The following AGBL1 variants were observed in gnomAD, a reference collection of about 807,000 sequenced individuals.
AGBL1 encodes AGBL carboxypeptidase 1.
In AGBL1, 130 loss-of-function variants were observed where a neutral mutation model predicts 118.9. The ratio of observed to expected loss-of-function variants is 1.09; its 90% confidence interval spans 0.95 to 1.26. The LOEUF (loss-of-function observed/expected upper bound fraction) is 1.26. Ranked by LOEUF, AGBL1 falls within the 50% of genes most tolerant of loss-of-function variation. The pLI, the probability that AGBL1 is intolerant of heterozygous loss-of-function variation, is 0.00. For synonymous variants in AGBL1, 555 were observed against 478.9 expected (o/e 1.16, Z -2.08); for missense variants, 1,584 against 1,298.1 (o/e 1.22, Z -3.38).
At chr15:86,300,817 A>G (rs2079733527) in intron 17 of AGBL1, among the ~76,000 whole-genome samples, 1 of 152,140 alleles carries the variant, frequency 6.6e-6, no homozygotes, top group Admixed American at 6.6e-5. Flanking sequence ...GCAATGTTCT[A>G]TTCAGCCTGC....
chr15:86,504,186 T>C (rs1279552744), intron 18 of AGBL1, among the ~76,000 whole-genome samples: 1 of 151,766 alleles, frequency 6.6e-6, no homozygotes, highest in Non-Finnish European at 1.5e-5. Context: ...TTGTTTCTTG[T>C]AACTGTTTGT....
chr15:86,928,503 T>G (rs2080570714), intron 23 of AGBL1, among the ~76,000 whole-genome samples: 1 of 152,138 alleles, frequency 6.6e-6, no homozygotes, highest in Admixed American at 6.5e-5. Context: ...ACTGGAGCAT[T>G]TATTTGAGTC....
At chr15:86,592,698 C>T (rs1023043422) in intron 21 of AGBL1, among the ~76,000 whole-genome samples, 1 of 152,232 alleles carries the variant, frequency 6.6e-6, no homozygotes, top group African/African-American at 2.4e-5. Context: ...AGTAGACATG[C>T]TTGAGCCCAC....
intron 23 of AGBL1, among the ~76,000 whole-genome samples, chr15:86,979,893 C>G (rs2081212640): frequency 6.6e-6 from 1 of 152,108 alleles, no homozygotes; most frequent in Non-Finnish European, 1.5e-5. Flanking sequence ...TTCCCTTTCC[C>G]ATCCCATAAC....
intron 5 of AGBL1, among the ~76,000 whole-genome samples, chr15:86,210,839 C>T (rs185851667): frequency 3.3e-5 from 5 of 152,250 alleles, no homozygotes; most frequent in Admixed American, 6.5e-5. Context: ...TGTCATTCTC[C>T]GTCCAGGTTT....
At chr15:86,686,529 C>T (rs976742475) in intron 22 of AGBL1, among the ~76,000 whole-genome samples, 1 of 149,764 alleles carries the variant, frequency 6.7e-6, no homozygotes, top group African/African-American at 2.5e-5. Flanking sequence ...CCTCTGCCTC[C>T]TGGGTTCAAG....
intron 24 of AGBL1, among the ~76,000 whole-genome samples, chr15:86,999,695 A>C (rs1004824095): frequency 9.2e-5 from 14 of 151,440 alleles, no homozygotes; most frequent in African/African-American, 3.4e-4. Context: ...ACACGGGTGC[A>C]TGTGTCTTTA....
At chr15:86,318,696 ATTTTTTTT>A (rs57988335) in intron 17 of AGBL1, among the ~76,000 whole-genome samples, 2,279 of 82,106 alleles carry the variant, frequency 0.028, 110 homozygotes, top group East Asian at 0.21. Flanking sequence ...TTGATCATAG[ATTTTTTTT>A]TTTTTTTTTT....
chr15:86,226,899 T>G (rs570831768), intron 6 of AGBL1, among the ~76,000 whole-genome samples: 1 of 152,226 alleles, frequency 6.6e-6, no homozygotes, highest in African/African-American at 2.4e-5. Context: ...CTATTGTCTG[T>G]CTCTTCCAGC....
intron 22 of AGBL1, among the ~76,000 whole-genome samples, chr15:86,856,123 G>A (rs764667522): frequency 6.6e-6 from 1 of 152,200 alleles, no homozygotes; most frequent in Admixed American, 6.5e-5. Flanking sequence ...GGGGTGGACA[G>A]CAGGCAGGCC....
chr15:86,845,337 A>G (rs2347241), intron 22 of AGBL1, among the ~76,000 whole-genome samples: 112,600 of 151,890 alleles, frequency 0.74, 41,712 homozygotes, highest in Non-Finnish European at 0.77. Flanking sequence ...AGATGACTGT[A>G]CTCTCTTTGT....
chr15:86,978,555 TCAGAAAAGTTA>T (rs1350888452), intron 23 of AGBL1, among the ~76,000 whole-genome samples: 1 of 152,080 alleles, frequency 6.6e-6, no homozygotes, highest in East Asian at 1.9e-4. Context: ...AATGAATGAC[TCAGAAAAGTTA>T]CTGATGTAGG....
At chr15:86,742,452 T>A (rs546980028) in intron 22 of AGBL1, among the ~76,000 whole-genome samples, 1 of 152,310 alleles carries the variant, frequency 6.6e-6, no homozygotes, top group East Asian at 1.9e-4. Context: ...GACCTTATCC[T>A]TATTTACCAA....
intron 22 of AGBL1, among the ~76,000 whole-genome samples, chr15:86,897,347 T>C (rs1053723179): frequency 6.6e-6 from 1 of 152,174 alleles, no homozygotes; most frequent in African/African-American, 2.4e-5. Flanking sequence ...TCTATTCTTA[T>C]TTCTAGTGTA....
chr15:86,514,344 T>G (rs1047952216), intron 18 of AGBL1, among the ~76,000 whole-genome samples: 1 of 152,144 alleles, frequency 6.6e-6, no homozygotes, highest in Non-Finnish European at 1.5e-5. Flanking sequence ...AGAATACACA[T>G]AAAGTAGTTT....
At chr15:86,776,113 A>G (rs995414761) in intron 22 of AGBL1, among the ~76,000 whole-genome samples, 1 of 152,138 alleles carries the variant, frequency 6.6e-6, no homozygotes, top group Admixed American at 6.6e-5. Context: ...TTCACTCAAC[A>G]TGTTGCGCTT....
At chr15:86,498,195 C>T (rs1051667076) in intron 18 of AGBL1, among the ~76,000 whole-genome samples, 2 of 151,838 alleles carry the variant, frequency 1.3e-5, no homozygotes. Context: ...CTGCTTTCCT[C>T]TTTATAATTG....
At chr15:86,556,540 T>C (rs922948930) in intron 21 of AGBL1, among the ~76,000 whole-genome samples, 2 of 152,130 alleles carry the variant, frequency 1.3e-5, no homozygotes, top group Non-Finnish European at 2.9e-5. Flanking sequence ...TCACAGAGGA[T>C]GGTGAGTAAT....
intron 18 of AGBL1, among the ~76,000 whole-genome samples, chr15:86,453,629 C>T (rs16977283): frequency 0.26 from 40,072 of 152,016 alleles, 6,177 homozygotes; most frequent in East Asian, 0.66. Context: ...TTTTCTCATC[C>T]GTAGTAAGCT....
Sources: gnomAD v4.1 joint callset for allele counts (sites outside exome capture counted in the v4.1 genomes callset) on GRCh38, gnomAD v4.1.1 for gene constraint, MANE v1.5 for transcripts, NCBI Gene and HGNC (gene_info 2026-07-23, HGNC 2026-07-21) for gene names.